GDPD4: variants seen among roughly 807,000 people sequenced by gnomAD.
GDPD4 encodes the protein glycerophosphodiester phosphodiesterase 6.
GDPD4 carries 60 observed loss-of-function variants against 67.8 expected under a neutral mutation model. The ratio of observed to expected loss-of-function variants is 0.88; its 90% confidence interval spans 0.72 to 1.10. The LOEUF is 1.10. GDPD4 is among the 50% of genes least tolerant of loss of function. GDPD4 has a pLI of 0.00. For synonymous variants in GDPD4, 212 were observed against 210.9 expected, an observed-to-expected ratio of 1.00 and a Z score of -0.04; for missense variants, 623 against 613.9, an observed-to-expected ratio of 1.01 and a Z score of -0.16.
chr11:77,242,721 C>G (rs1031802542), intron 13 of GDPD4, among the ~76,000 whole-genome samples: 1 of 151,234 alleles, frequency 6.6e-6, no homozygotes. Flanking sequence ...TAGAAATATG[C>G]TCAAAATAGA....
chr11:77,268,042 T>TCC (rs1323718704), intron 10 of GDPD4, among the ~76,000 whole-genome samples: 1 of 152,154 alleles, frequency 6.6e-6, no homozygotes. Flanking sequence ...ATCCCATGTC[T>TCC]CCTTCACTAG....
chr11:77,283,232 A>G (rs1018219581), intron 3 of GDPD4, among the ~76,000 whole-genome samples: 1 of 152,238 alleles, frequency 6.6e-6, no homozygotes, highest in Non-Finnish European at 1.5e-5. Context: ...TGTGAGGGAT[A>G]TTTCTGTAAA....
Position 77,245,215 on chromosome 11 carries a change from C to G in GDPD4, c.1086+66G>C, listed in dbSNP as rs1027646463. The G allele has an allele frequency of 9.0e-5, 108 of 1,206,034 alleles. 1 individual carries two copies. In the Admixed American group the frequency reaches 1.8e-3, roughly 20 times the overall value. The allele number at this position is 1,206,034 out of a possible 1,614,324, so 74.7% of individuals were successfully genotyped here. ...GATGTACAAGGTAGGTCAAGTTCAACTACTGTGCTCCTAGGACATGCTACC... is the reference window on the plus strand; with the variant it reads ...GATGTACAAGGTAGGTCAAGTTCAAGTACTGTGCTCCTAGGACATGCTACC... On this transcript the variant is annotated intron_variant, in intron 12 of 16. Transcript: ENST00000315938.
At chr11:77,243,454 A>T (rs1473862131) in intron 13 of GDPD4, among the ~76,000 whole-genome samples, 1 of 147,636 alleles carries the variant, frequency 6.8e-6, no homozygotes, top group African/African-American at 2.5e-5. Flanking sequence ...ATTAGAGTAC[A>T]CAGCAGAGGC....
chr11:77,293,942 TAAAGA>T (rs201340166), intron 1 of GDPD4, among the ~76,000 whole-genome samples: 1,969 of 152,242 alleles, frequency 0.013, 14 homozygotes, highest in Middle Eastern at 0.017. Flanking sequence ...ATAAAAGGCA[TAAAGA>T]ATAGAAACTC....
chr11:77,232,515 T>C (rs1267562697), intron 14 of GDPD4, among the ~76,000 whole-genome samples: 9 of 152,182 alleles, frequency 5.9e-5, no homozygotes, highest in Non-Finnish European at 1.2e-4. Context: ...GCCTAGAACA[T>C]GCAACTGGAC....
intron 11 of GDPD4, among the ~76,000 whole-genome samples, chr11:77,251,879 C>A (rs1027132144): frequency 6.6e-6 from 1 of 151,912 alleles, no homozygotes; most frequent in Non-Finnish European, 1.5e-5. Flanking sequence ...TTTCTTTATT[C>A]TTTTTCATTC....
At chr11:77,224,968 A>G (rs552130758) in intron 16 of GDPD4, among the ~76,000 whole-genome samples, 3 of 151,076 alleles carry the variant, frequency 2.0e-5, no homozygotes, top group African/African-American at 7.3e-5. Context: ...GCCAGTCATA[A>G]TGGTTTGTGC....
chr11:77,282,153 A>G (rs373428748), intron 3 of GDPD4, among the ~76,000 whole-genome samples: 2 of 152,224 alleles, frequency 1.3e-5, no homozygotes, highest in East Asian at 3.9e-4. Flanking sequence ...AAGGTGTTTC[A>G]AGATCCTTGT....
At chr11:77,259,162 TA>T (rs1038532433) in intron 10 of GDPD4, among the ~76,000 whole-genome samples, 4 of 152,102 alleles carry the variant, frequency 2.6e-5, no homozygotes, top group African/African-American at 9.7e-5. Context: ...TATTTTTTAG[TA>T]GAGACAGGAT....
chr11:77,222,053 CT>C (rs1006479569), intron 16 of GDPD4, among the ~76,000 whole-genome samples: 4 of 151,950 alleles, frequency 2.6e-5, no homozygotes, highest in African/African-American at 9.7e-5. Flanking sequence ...GCAACCCCTG[CT>C]TTTTTGCTTT....
chr11:77,243,987 GAA>G (rs1161083746), intron 12 of GDPD4, 139 bp from the exon 13 acceptor site: 2 of 616,546 alleles, frequency 3.2e-6, no homozygotes, highest in Non-Finnish European at 5.7e-6. Flanking sequence ...AGTCCTTGGT[GAA>G]AGAGTCAACA....
chr11:77,300,091 A>G (rs1938108347), intron 1 of GDPD4, among the ~76,000 whole-genome samples: 1 of 152,048 alleles, frequency 6.6e-6, no homozygotes, highest in East Asian at 1.9e-4. Flanking sequence ...TTCCTCGTAA[A>G]GCAACCTTTT....
chr11:77,253,114 T>A (rs1055182919), intron 11 of GDPD4, among the ~76,000 whole-genome samples: 1 of 152,192 alleles, frequency 6.6e-6, no homozygotes, highest in Non-Finnish European at 1.5e-5. Flanking sequence ...GCCCACACCA[T>A]CAGACTCCAA....
intron 13 of GDPD4, among the ~76,000 whole-genome samples, chr11:77,241,638 T>TA (rs36036994): frequency 0.25 from 15,339 of 60,822 alleles, 2,655 homozygotes; most frequent in African/African-American, 0.42. Context: ...ACCCTGTCTT[T>TA]AAAAAAAAAA....
intron 11 of GDPD4, among the ~76,000 whole-genome samples, chr11:77,246,852 T>C (rs1325377843): frequency 1.3e-5 from 2 of 152,210 alleles, no homozygotes; most frequent in African/African-American, 2.4e-5. Context: ...ATATGTTTGC[T>C]ACATTAAATT....
chr11:77,276,098 T>C, intron 5 of GDPD4, 63 bp downstream of exon 5: 1 of 1,191,350 alleles, frequency 8.4e-7, no homozygotes, highest in Non-Finnish European at 1.3e-6. Flanking sequence ...AAGGAGCATG[T>C]TCAGGCCTGG....
intron 11 of GDPD4, among the ~76,000 whole-genome samples, chr11:77,255,829 C>T (rs1485068155): frequency 2.0e-5 from 3 of 151,826 alleles, no homozygotes; most frequent in Non-Finnish European, 4.4e-5. Context: ...ATCACACCAC[C>T]GCATTCCACC....
At chr11:77,278,253 GC>G (rs1031726230) in intron 4 of GDPD4, among the ~76,000 whole-genome samples, 4 of 152,050 alleles carry the variant, frequency 2.6e-5, no homozygotes, top group Non-Finnish European at 5.9e-5. Context: ...ACAGTGCCTG[GC>G]CCCCCATTAT....
Sources: gnomAD v4.1 joint callset for allele counts (sites outside exome capture counted in the v4.1 genomes callset) on GRCh38, gnomAD v4.1.1 for gene constraint, MANE v1.5 for transcripts, NCBI Gene and HGNC (gene_info 2026-07-23, HGNC 2026-07-21) for gene names.